Variants in TWIST2 observed in about 807,000 individuals in gnomAD.
The protein encoded by TWIST2 is twist family bHLH transcription factor 2, also known as twist-related protein 2.
In TWIST2, 1 loss-of-function variant was observed where a neutral mutation model predicts 11.6. The ratio of observed to expected loss-of-function variants is 0.09; its 90% confidence interval spans 0.03 to 0.41. The LOEUF is 0.41. Among genes scored for constraint, TWIST2 ranks in the 10% least tolerant of loss-of-function variants. The probability of loss-of-function intolerance (pLI) is 0.98; values close to 1 mark genes in which losing one functional copy is unlikely to be tolerated. For synonymous variants in TWIST2, 87 were observed against 96.6 expected, an observed-to-expected ratio of 0.90 and a Z score of 0.58; for missense variants, 168 against 226.4, an observed-to-expected ratio of 0.74 and a Z score of 1.66.
chr2:238,902,103 G>T (rs1219688934), intron 1 of TWIST2, among the ~76,000 whole-genome samples: 1 of 152,180 alleles, frequency 6.6e-6, no homozygotes, highest in Non-Finnish European at 1.5e-5. Context: ...TCTGTGGCCA[G>T]ATTCTGACCC....
chr2:238,898,737 G>C (rs1373373969), intron 1 of TWIST2, among the ~76,000 whole-genome samples: 1 of 152,240 alleles, frequency 6.6e-6, no homozygotes, highest in African/African-American at 2.4e-5. Context: ...CTCGTGCTAA[G>C]GGCTTTGAGG....
At chr2:238,897,461 G>A (rs1168283345) in intron 1 of TWIST2, among the ~76,000 whole-genome samples, 1 of 152,116 alleles carries the variant, frequency 6.6e-6, no homozygotes, top group African/African-American at 2.4e-5. Context: ...CCCAGCAAGG[G>A]TGGCAGAGCA....
chr2:238,905,962 T>TGC lies in TWIST2; in HGVS notation c.*36-3878_*36-3877dup, dbSNP rs1405894023. ...GTGTGTGCGCGCGCGTGTGTACGTG[T>TGC]GCGTGTGTGTGCGCGCGCGTGTACG... is the stretch of plus-strand genomic sequence containing the variant. On this transcript the variant is annotated intron_variant, in intron 1 of 1. Coordinates refer to ENST00000612363, the MANE Select transcript of TWIST2 (RefSeq NM_001271893.4). Among the ~76,000 whole-genome samples the TGC allele has an allele frequency of 3.8e-5, 4 of 105,882 alleles. No homozygotes were observed. In the East Asian group the frequency reaches 7.2e-4, roughly 19 times the overall value. 69.5% of individuals were successfully genotyped at this position (105,882 alleles called of 152,430 possible).
At chr2:238,889,155 C>A (rs1344097332) in intron 1 of TWIST2, among the ~76,000 whole-genome samples, 1 of 152,118 alleles carries the variant, frequency 6.6e-6, no homozygotes, top group Non-Finnish European at 1.5e-5. Context: ...AAAAGAAGAG[C>A]CAGGTTTGAT....
intron 1 of TWIST2, among the ~76,000 whole-genome samples, chr2:238,876,700 A>G (rs553017100): frequency 6.6e-6 from 1 of 152,332 alleles, no homozygotes; most frequent in East Asian, 1.9e-4. Context: ...AGGTGGATTT[A>G]TTAGTGGAAT....
At chr2:238,857,324 C>T (rs368769612) in intron 1 of TWIST2, among the ~76,000 whole-genome samples, 1 of 152,298 alleles carries the variant, frequency 6.6e-6, no homozygotes, top group African/African-American at 2.4e-5. Context: ...CCTATCAGCT[C>T]GTGCTGATGA....
chr2:238,893,001 T>C (rs1435165073), intron 1 of TWIST2, among the ~76,000 whole-genome samples: 3 of 152,228 alleles, frequency 2.0e-5, no homozygotes, highest in African/African-American at 7.2e-5. Context: ...GGCCTGTCCC[T>C]GTTGCAGAAT....
At chr2:238,897,419 T>TG (rs1228028617) in intron 1 of TWIST2, among the ~76,000 whole-genome samples, 1 of 152,056 alleles carries the variant, frequency 6.6e-6, no homozygotes, top group Non-Finnish European at 1.5e-5. Flanking sequence ...TTTTACCAAG[T>TG]GGGACCCCCT....
chr2:238,879,061 A>G (rs185402061), intron 1 of TWIST2, among the ~76,000 whole-genome samples: 3 of 152,374 alleles, frequency 2.0e-5, no homozygotes, highest in African/African-American at 7.2e-5. Context: ...TATACAGAGA[A>G]GAATCCAGCG....
chr2:238,881,786 C>A (rs1692940124), intron 1 of TWIST2, among the ~76,000 whole-genome samples: 1 of 152,144 alleles, frequency 6.6e-6, no homozygotes, highest in Non-Finnish European at 1.5e-5. Flanking sequence ...TAAATCCCTA[C>A]ATAAGGAAAT....
rs1692462631 is a variant in TWIST2 at position 238,863,046 on chromosome 2, T to A, written c.*35+14313T>A. 6.6e-6 allele frequency among the ~76,000 whole-genome samples: 1 copy of A among 150,564 alleles called. No homozygotes were observed. The highest frequency in any genetic ancestry group is 1.5e-5 in the Non-Finnish European group (1 of 68,024). On this transcript the variant is annotated intron_variant, in intron 1 of 1. Coordinates refer to ENST00000612363, the MANE Select transcript of TWIST2 (RefSeq NM_001271893.4). This position sits in a 1 kb window ranked among gnomAD's most constrained non-coding sequence, Gnocchi z 4.7. ...GCTTCCTTTCCTTCTTATGTTTTTT[T>A]TTTTTTAATTTCTAGATTTTCTACA...
intron 1 of TWIST2, among the ~76,000 whole-genome samples, chr2:238,903,258 T>C (rs1307382255): frequency 7.1e-6 from 1 of 140,708 alleles, no homozygotes; most frequent in African/African-American, 2.7e-5. Context: ...TGAGATGTAG[T>C]GTGTGTGCGA....
intron 1 of TWIST2, among the ~76,000 whole-genome samples, chr2:238,896,343 C>A (rs1693207247): frequency 6.6e-6 from 1 of 152,234 alleles, no homozygotes. Context: ...AGGCCACTGT[C>A]CCCAGGGCCA....
At chr2:238,853,380 AGG>A (rs1692274078) in intron 1 of TWIST2, among the ~76,000 whole-genome samples, 1 of 141,802 alleles carries the variant, frequency 7.1e-6, no homozygotes, top group Non-Finnish European at 1.5e-5. Flanking sequence ...CAGAGGAGGG[AGG>A]GAGAGAGAGA....
At chr2:238,896,191 T>C (rs1186438370) in intron 1 of TWIST2, among the ~76,000 whole-genome samples, 1 of 152,160 alleles carries the variant, frequency 6.6e-6, no homozygotes, top group Non-Finnish European at 1.5e-5. Flanking sequence ...CGCAGTCGCC[T>C]GACTGCACCC....
At chr2:238,851,845 A>G in intron 1 of TWIST2, among the ~76,000 whole-genome samples, 1 of 152,232 alleles carries the variant, frequency 6.6e-6, no homozygotes, top group East Asian at 1.9e-4. Context: ...ACCCATCAAT[A>G]AGATCTGATG....
intron 1 of TWIST2, among the ~76,000 whole-genome samples, chr2:238,893,859 T>C (rs1693177464): frequency 6.6e-6 from 1 of 152,176 alleles, no homozygotes; most frequent in Non-Finnish European, 1.5e-5. Flanking sequence ...TCTGAAGTCC[T>C]GGACCCTGGT....
chr2:238,874,973 T>C (rs1692776968), intron 1 of TWIST2, among the ~76,000 whole-genome samples: 1 of 151,728 alleles, frequency 6.6e-6, no homozygotes, highest in South Asian at 2.1e-4. Context: ...TCATATAGAG[T>C]GCACAAAGGA....
chr2:238,876,957 C>T (rs1279503615), intron 1 of TWIST2, among the ~76,000 whole-genome samples: 1 of 152,184 alleles, frequency 6.6e-6, no homozygotes, highest in Admixed American at 6.5e-5. Context: ...AGAGATTCTT[C>T]CTTACCTTCA....
Sources: gnomAD v4.1 joint callset for allele counts (sites outside exome capture counted in the v4.1 genomes callset) on GRCh38, gnomAD v4.1.1 for gene constraint, Gnocchi (gnomAD v3.1) non-coding constraint, MANE v1.5 for transcripts, NCBI Gene and HGNC (gene_info 2026-07-23, HGNC 2026-07-21) for gene names.